The following ZFHX3 variants were observed in gnomAD, a reference collection of about 807,000 sequenced individuals.
ZFHX3 encodes the protein zinc finger homeobox protein 3.
In ZFHX3, 42 loss-of-function variants were observed where a neutral mutation model predicts 279.1. The ratio of observed to expected loss-of-function variants is 0.15; its 90% confidence interval spans 0.12 to 0.19. The LOEUF (loss-of-function observed/expected upper bound fraction) is 0.19, where lower values mean the gene tolerates loss of function less well. ZFHX3 is among the 10% of genes least tolerant of loss of function. The pLI is 1.00. For synonymous variants in ZFHX3, 2,293 were observed against 1,957.8 expected, an observed-to-expected ratio of 1.17 and a Z score of -4.52; for missense variants, 4,981 against 4,754.0, an observed-to-expected ratio of 1.05 and a Z score of -1.40.
intron 5 of ZFHX3, among the ~76,000 whole-genome samples, chr16:73,148,302 TTA>T (rs1309440366): frequency 6.6e-6 from 1 of 152,204 alleles, no homozygotes; most frequent in Admixed American, 6.5e-5. Context: ...AACTAAAATC[TTA>T]TGTGGAAATT....
chr16:73,006,967 A>G (rs1449508169), intron 1 of ZFHX3, among the ~76,000 whole-genome samples: 2 of 152,232 alleles, frequency 1.3e-5, no homozygotes, highest in African/African-American at 4.8e-5. Flanking sequence ...CAGGTCCTTT[A>G]CATGTTGAGT....
intron 3 of ZFHX3, among the ~76,000 whole-genome samples, chr16:73,342,819 G>A (rs1184048975): frequency 6.6e-6 from 1 of 152,124 alleles, no homozygotes; most frequent in Non-Finnish European, 1.5e-5. Flanking sequence ...AAAATCCACA[G>A]GGATGGGGAG....
chr16:72,793,442 C>A lies in ZFHX3; in HGVS notation c.9240G>T (p.Glu3080Asp). 6.2e-7 allele frequency: 1 copy of A among 1,614,220 alleles called. No individual in the cohort carries two copies. Among genetic ancestry groups the A allele is most frequent in the Non-Finnish European group, 8.5e-7 (1 of 1,180,032 alleles). Reference sequence around the variant, plus strand: ...CGTTGGCCTTTTTAATCCGGTCCAACTCTTGTTGAGCCATCAACTGACGTA... The same window carrying A: ...CGTTGGCCTTTTTAATCCGGTCCAAATCTTGTTGAGCCATCAACTGACGTA... ...ATVRQLMAQQELDRIKKANEV... is the reference protein window; with the variant it reads ...ATVRQLMAQQDLDRIKKANEV... Residue 3080 changes from glutamate (E) to aspartate (D), a missense_variant, in exon 9 of 10, where the codon GAG (glutamate) becomes GAT (aspartate). Transcript: ENST00000268489. The surrounding 1 kb of genome is among the most constrained non-coding windows in gnomAD (Gnocchi z 4.3).
upstream of ZFHX3, among the ~76,000 whole-genome samples, chr16:73,050,955 T>G (rs1965437188): frequency 6.6e-6 from 1 of 152,252 alleles, no homozygotes; most frequent in African/African-American, 2.4e-5. Flanking sequence ...AACGCTGAGC[T>G]GGCTGGTAAA....
At chr16:72,830,527 G>A (rs915429245) in intron 4 of ZFHX3, among the ~76,000 whole-genome samples, 2 of 152,334 alleles carry the variant, frequency 1.3e-5, no homozygotes, top group African/African-American at 2.4e-5. Context: ...TAACAGAGTC[G>A]TACACTTTCT....
At chr16:73,784,781 C>CAAAAA (rs1359742885) in intron 1 of ZFHX3, among the ~76,000 whole-genome samples, 7 of 90,472 alleles carry the variant, frequency 7.7e-5, no homozygotes, top group African/African-American at 6.3e-4. Flanking sequence ...CTATTTTTAA[C>CAAAAA]AAAATAAAAA....
At position 73,098,209 on chromosome 16, in the gene ZFHX3, A is replaced by G. The variant is rs528220870; in HGVS notation, c.-896-4611T>C. ...CAGCCTCCTGAGCAGCTGGGACTAC[A>G]AGCATGGGCCACCAGACCCAGTTAA... On this transcript the variant is annotated intron_variant, in intron 7 of 17. Coordinates refer to the ZFHX3 transcript ENST00000641206. 4.2e-3 allele frequency among the ~76,000 whole-genome samples: 632 copies of G among 152,110 alleles called. 6 individuals are homozygous for G. The highest frequency in any genetic ancestry group is 4.6e-3 in the Non-Finnish European group (315 of 68,002).
chr16:72,786,554 A>C lies in ZFHX3; in HGVS notation c.*610T>G. On this transcript the variant is annotated 3_prime_UTR_variant, in exon 10 of 10. Transcript: ENST00000268489. ...CTTGAATACTTTCTGCCCATTTTTAAGTTAACAAAACAAAAAATCTTTTCT... is the reference window on the plus strand; with the variant it reads ...CTTGAATACTTTCTGCCCATTTTTACGTTAACAAAACAAAAAATCTTTTCT... 1 of 150,868 alleles carries C rather than the reference A, an allele frequency of 6.6e-6. No individual in the cohort carries two copies. The highest frequency in any genetic ancestry group is 1.9e-4 in the East Asian group (1 of 5,176). 9.3% of individuals were successfully genotyped at this position (150,868 alleles called of 1,614,324 possible).
At chr16:73,662,912 C>T (rs1012770275) in intron 2 of ZFHX3, among the ~76,000 whole-genome samples, 1 of 151,924 alleles carries the variant, frequency 6.6e-6, no homozygotes, top group African/African-American at 2.4e-5. Flanking sequence ...TTTTTTTCTT[C>T]TTCTTTAAGA....
intron 2 of ZFHX3, among the ~76,000 whole-genome samples, chr16:73,553,828 C>T (rs1193702314): frequency 6.6e-6 from 1 of 152,098 alleles, no homozygotes; most frequent in Non-Finnish European, 1.5e-5. Context: ...TAGGGTTTCT[C>T]CCACCTAGGG....
intron 1 of ZFHX3, among the ~76,000 whole-genome samples, chr16:73,782,661 G>C: frequency 6.6e-6 from 1 of 152,178 alleles, no homozygotes; most frequent in East Asian, 1.9e-4. Context: ...CTCTGAGCAG[G>C]AGTGACAAGC....
intron 4 of ZFHX3, among the ~76,000 whole-genome samples, chr16:72,835,636 T>C (rs1456592968): frequency 2.0e-5 from 3 of 152,078 alleles, no homozygotes; most frequent in African/African-American, 7.2e-5. Context: ...GGGTACACTC[T>C]GACCATCAAG....
chr16:72,947,387 T>A lies in ZFHX3; in HGVS notation c.3216+3082A>T, dbSNP rs562879305. On this transcript the variant is annotated intron_variant, in intron 3 of 9. Coordinates refer to ENST00000268489, the MANE Select transcript of ZFHX3 (RefSeq NM_006885.4). ...TCTCTCATTTCTGGATTAAAAATTA[T>A]CTCACGCTTTCAGAAAGTTCACTCT... Among the ~76,000 whole-genome samples, 10 of 152,328 alleles carry A rather than the reference T, an allele frequency of 6.6e-5. No homozygotes were observed. In the East Asian group the frequency reaches 1.9e-3, roughly 29 times the overall value.
At chr16:73,090,874 G>C (rs1966067576) in intron 8 of ZFHX3, among the ~76,000 whole-genome samples, 1 of 141,372 alleles carries the variant, frequency 7.1e-6, no homozygotes, top group South Asian at 2.2e-4. Flanking sequence ...TTGCACCACT[G>C]TACTCCAGCC....
chr16:73,317,629 G>C (rs1332380752), intron 4 of ZFHX3, among the ~76,000 whole-genome samples: 1 of 152,156 alleles, frequency 6.6e-6, no homozygotes, highest in Non-Finnish European at 1.5e-5. Flanking sequence ...GTTATGGAGA[G>C]GTTAGTGGCC....
At chr16:73,151,946 A>T (rs1341208250) in intron 5 of ZFHX3, among the ~76,000 whole-genome samples, 1 of 150,970 alleles carries the variant, frequency 6.6e-6, no homozygotes, top group East Asian at 1.9e-4. Context: ...AGAAAAAAAC[A>T]GAAAAGGAGA....
In ZFHX3 at chr16:73,687,042, A is replaced by ATATATAT. The variant is rs1555532456; in HGVS notation, c.-1607-6809_-1607-6803dup. Among the ~76,000 whole-genome samples, 219 of 81,440 alleles carry ATATATAT rather than the reference A, an allele frequency of 2.7e-3. 6 individuals are homozygous for ATATATAT. The highest frequency in any genetic ancestry group is 0.01 in the African/African-American group (210 of 20,268). 53.4% of individuals were successfully genotyped at this position (81,440 alleles called of 152,430 possible). The stretch of plus-strand genomic sequence containing the variant: ...TATATATATATATATATATATATAT[A>ATATATAT]TATATATATATATATATATATATTT... On this transcript the variant is annotated intron_variant, in intron 1 of 17. Coordinates refer to the ZFHX3 transcript ENST00000641206.
intron 6 of ZFHX3, among the ~76,000 whole-genome samples, chr16:73,143,001 T>A (rs780755975): frequency 5.3e-5 from 8 of 152,164 alleles, no homozygotes; most frequent in Non-Finnish European, 1.0e-4. Context: ...AGGTGGAGTT[T>A]TAGGTGGTGC....
intron 1 of ZFHX3, among the ~76,000 whole-genome samples, chr16:73,749,861 C>T (rs1255856067): frequency 2.6e-5 from 4 of 152,176 alleles, no homozygotes; most frequent in East Asian, 1.9e-4. Flanking sequence ...CTGTACCCTA[C>T]GTGAAAGAAG....
Sources: allele counts gnomAD v4.1 joint callset (sites outside exome capture counted in the v4.1 genomes callset), GRCh38; gene constraint gnomAD v4.1.1; non-coding constraint Gnocchi (gnomAD v3.1); transcripts MANE v1.5; gene names NCBI Gene and HGNC (gene_info 2026-07-23, HGNC 2026-07-21).